The following DNAH5 variants were observed in gnomAD, a reference collection of about 807,000 sequenced individuals.
DNAH5 encodes the protein axonemal beta dynein heavy chain 5.
In DNAH5, 372 loss-of-function variants were observed where a neutral mutation model predicts 518.2. That is an observed-to-expected ratio of 0.72 (90% confidence interval 0.66 to 0.78). The LOEUF (loss-of-function observed/expected upper bound fraction) is 0.78, where lower values mean the gene tolerates loss of function less well. Among genes scored for constraint, DNAH5 ranks in the 30% least tolerant of loss-of-function variants. The probability of loss-of-function intolerance (pLI) is 0.00; values close to 1 mark genes in which losing one functional copy is unlikely to be tolerated. For synonymous variants in DNAH5, 2,039 were observed against 2,025.9 expected, an observed-to-expected ratio of 1.01 and a Z score of -0.17; for missense variants, 5,523 against 5,687.0, an observed-to-expected ratio of 0.97 and a Z score of 0.93.
chr5:13,839,553 G>C (rs368446241), intron 34 of DNAH5, 25 bp from the exon 35 acceptor site: 42 of 1,580,924 alleles, frequency 2.7e-5, no homozygotes, highest in Non-Finnish European at 3.6e-5. Flanking sequence ...GTATATGTTA[G>C]AGCTCTGATG....
At chr5:13,959,866 C>T (rs1047496512) in intron 1 of DNAH5, among the ~76,000 whole-genome samples, 1 of 152,138 alleles carries the variant, frequency 6.6e-6, no homozygotes, top group Non-Finnish European at 1.5e-5. Context: ...ACTCGGGAGG[C>T]TGAGGCAGGA....
intron 53 of DNAH5, among the ~76,000 whole-genome samples, chr5:13,778,593 A>AG (rs1754565172): frequency 1.9e-5 from 1 of 51,658 alleles, no homozygotes; most frequent in African/African-American, 7.1e-5. Context: ...AAAGAAAGAA[A>AG]GAAAGAGAGA....
Position 13,885,006 on chromosome 5 carries a change from TGA to T in DNAH5, c.2964_2965del (p.Thr990AsnfsTer2). On this transcript the variant is annotated frameshift_variant, in exon 19 of 79. Coordinates refer to ENST00000265104, the MANE Select transcript of DNAH5 (RefSeq NM_001369.3). LOFTEE classifies it high-confidence loss of function. ...ATTATTACCCCGGAAGTTAATTGTGTGAGAGGAATGAATACGTTTGCGAATGG... is the reference window on the plus strand; with the variant it reads ...ATTATTACCCCGGAAGTTAATTGTGTGAGGAATGAATACGTTTGCGAATGG... 6.2e-7 allele frequency: 1 copy of T among 1,614,132 alleles called. No homozygotes were observed. The highest frequency in any genetic ancestry group is 1.7e-4 in the Middle Eastern group (1 of 6,054).
intron 53 of DNAH5, among the ~76,000 whole-genome samples, chr5:13,779,936 A>G (rs538004679): frequency 6.6e-6 from 1 of 152,296 alleles, no homozygotes; most frequent in South Asian, 2.1e-4. Flanking sequence ...TGTACATAAA[A>G]TGTACCTGAC....
chr5:13,714,715 A>T, intron 74 of DNAH5, 95 bp from the exon 75 acceptor site: 1 of 1,183,228 alleles, frequency 8.5e-7, no homozygotes, highest in South Asian at 1.3e-5. Context: ...CTATGAGGGT[A>T]TGCATTTACT....
intron 29 of DNAH5, among the ~76,000 whole-genome samples, chr5:13,861,140 A>C (rs1213958010): frequency 6.6e-6 from 1 of 152,164 alleles, no homozygotes. Context: ...TGAAAAGAAA[A>C]GTTTCCCCAC....
intron 66 of DNAH5, among the ~76,000 whole-genome samples, chr5:13,736,757 T>C (rs775301744): frequency 2.6e-5 from 4 of 152,120 alleles, no homozygotes; most frequent in Non-Finnish European, 4.4e-5. Flanking sequence ...AATAAAATAC[T>C]AAAAGATAGC....
intron 22 of DNAH5, among the ~76,000 whole-genome samples, chr5:13,872,275 T>C (rs1262683615): frequency 3.3e-5 from 5 of 152,126 alleles, no homozygotes; most frequent in Non-Finnish European, 7.4e-5. Flanking sequence ...CTTAGGGGCA[T>C]GAAGGACAAA....
rs560184003 is a variant in DNAH5, at chr5:13,998,208, C to T, written c.12+13440G>A. On this transcript the variant is annotated intron_variant, in intron 1 of 78. Coordinates refer to the DNAH5 transcript ENST00000681290. Reference sequence around the variant, plus strand: ...AGATGCTGGCAGGTTCAGTGTCTGGCGAGGGCTCACTCTCTGTTCCATCCA... The same window carrying T: ...AGATGCTGGCAGGTTCAGTGTCTGGTGAGGGCTCACTCTCTGTTCCATCCA... 1.1e-4 allele frequency among the ~76,000 whole-genome samples: 17 copies of T among 152,234 alleles called. 1 individual carries two copies. The East Asian group carries it at 2.5e-3, about 22-fold the overall frequency.
intron 31 of DNAH5, among the ~76,000 whole-genome samples, chr5:13,847,767 CAT>C (rs1491405371): frequency 2.0e-5 from 3 of 149,114 alleles, no homozygotes; most frequent in South Asian, 2.1e-4. Flanking sequence ...GGGGATTTCG[CAT>C]GTGTGTGTGT....
At position 13,735,809 on chromosome 5, in the gene DNAH5, C is replaced by G. The variant is rs1206430080; in HGVS notation, c.11570+9G>C. 1.2e-6 allele frequency: 2 copies of G among 1,609,612 alleles called. No homozygotes were observed. The highest frequency in any genetic ancestry group is 3.3e-5 in the Admixed American group (2 of 60,006). Reference sequence around the variant, plus strand: ...AGAATTCAGCTTGGCTTCCCGCGTACAGACGTACCTGGCTAAGGAAAGGTC... The same window carrying G: ...AGAATTCAGCTTGGCTTCCCGCGTAGAGACGTACCTGGCTAAGGAAAGGTC... On this transcript the variant is annotated intron_variant, in intron 67 of 78. Coordinates refer to ENST00000265104, the MANE Select transcript of DNAH5 (RefSeq NM_001369.3).
intron 65 of DNAH5, among the ~76,000 whole-genome samples, chr5:13,742,334 C>T (rs1359561300): frequency 1.3e-5 from 2 of 151,518 alleles, no homozygotes; most frequent in African/African-American, 4.8e-5. Flanking sequence ...AACCACTGCC[C>T]TACTTGAGAA....
chr5:13,856,004 G>A (rs1767579054), intron 30 of DNAH5, among the ~76,000 whole-genome samples: 1 of 152,190 alleles, frequency 6.6e-6, no homozygotes, highest in Admixed American at 6.5e-5. Flanking sequence ...GCACTGTTTA[G>A]AGGGAAATTT....
intron 46 of DNAH5, among the ~76,000 whole-genome samples, chr5:13,808,326 C>A (rs1455285029): frequency 6.6e-6 from 1 of 151,840 alleles, no homozygotes; most frequent in Non-Finnish European, 1.5e-5. Flanking sequence ...CAAGGAGAGG[C>A]GCCTCTGAAG....
At chr5:13,947,678 G>C (rs1376207198), upstream of DNAH5, among the ~76,000 whole-genome samples, 1 of 152,160 alleles carries the variant, frequency 6.6e-6, no homozygotes, top group African/African-American at 2.4e-5. Flanking sequence ...GCAAAAGAGT[G>C]GATCCAAGTT....
At chr5:13,934,642 C>A (rs1288806082) in intron 1 of DNAH5, among the ~76,000 whole-genome samples, 3 of 151,944 alleles carry the variant, frequency 2.0e-5, no homozygotes, top group African/African-American at 7.3e-5. Context: ...TTTTAAGGTA[C>A]AAAAGACTTA....
chr5:14,001,675 T>TTC lies in DNAH5; in HGVS notation c.12+9972_12+9973insGA, dbSNP rs1312361020. 3.9e-4 allele frequency among the ~76,000 whole-genome samples: 22 copies of TTC among 56,164 alleles called. No homozygotes were observed. In the South Asian group the frequency reaches 8.5e-3, roughly 22 times the overall value. 36.8% of individuals were successfully genotyped at this position (56,164 alleles called of 152,430 possible). A position where few individuals can be genotyped will look rare whatever the true frequency, so the allele number is the denominator to read the frequency against. ...ACTGTGCCCAGCCTAGTTTTTTTCT[T>TTC]TTCTTTTTTTTTTTTTAAGGATACT... On this transcript the variant is annotated intron_variant, in intron 1 of 78. Coordinates refer to the DNAH5 transcript ENST00000681290.
intron 1 of DNAH5, among the ~76,000 whole-genome samples, chr5:13,995,103 T>C (rs926210937): frequency 2.0e-5 from 3 of 152,178 alleles, no homozygotes; most frequent in African/African-American, 7.2e-5. Context: ...TGTGTTTTTG[T>C]GCTGAGTCAG....
chr5:13,897,745 T>G (rs917365426), intron 15 of DNAH5: 1 of 152,224 alleles, frequency 6.6e-6, no homozygotes, highest in African/African-American at 2.4e-5. Context: ...TAAATGTTAA[T>G]GAGATGATAA....
Sources: gnomAD v4.1 joint callset for allele counts (sites outside exome capture counted in the v4.1 genomes callset) on GRCh38, gnomAD v4.1.1 for gene constraint, MANE v1.5 for transcripts, NCBI Gene and HGNC (gene_info 2026-07-23, HGNC 2026-07-21) for gene names.